Variants in FANCD2 observed in about 807,000 individuals in gnomAD.
FANCD2 encodes FA complementation group D2.
In FANCD2, 131 loss-of-function variants were observed where a neutral mutation model predicts 192.3. That is an observed-to-expected ratio of 0.68 (90% CI 0.59 to 0.79). FANCD2 has a LOEUF of 0.79. FANCD2 is among the 30% of genes least tolerant of loss of function. FANCD2 has a pLI of 0.00. For synonymous variants in FANCD2, 524 were observed against 612.5 expected (o/e 0.86, Z 2.13); for missense variants, 1,508 against 1,701.6 (o/e 0.89, Z 2.00).
intron 20 of FANCD2, among the ~76,000 whole-genome samples, chr3:10,062,480 G>T (rs2087598510): frequency 6.6e-6 from 1 of 152,090 alleles, no homozygotes; most frequent in South Asian, 2.1e-4. Flanking sequence ...GAACTCAAGT[G>T]ATCCACCTGC....
chr3:10,080,681 G>C (rs909969999), intron 30 of FANCD2, among the ~76,000 whole-genome samples: 2 of 152,140 alleles, frequency 1.3e-5, no homozygotes, highest in Non-Finnish European at 2.9e-5. Flanking sequence ...TGAGGTGAGA[G>C]GATCACTTGA....
chr3:10,060,466 C>A, intron 19 of FANCD2, 63 bp downstream of exon 19: 2 of 1,201,486 alleles, frequency 1.7e-6, no homozygotes, highest in Non-Finnish European at 2.5e-6. Context: ...CTAAGTGTTA[C>A]ATCTCATAGA....
intron 10 of FANCD2, 48 bp downstream of exon 10, chr3:10,041,758 C>T (rs189766023): frequency 1.1e-4 from 142 of 1,305,364 alleles, no homozygotes; most frequent in Non-Finnish European, 1.5e-4. Context: ...TTCCAACCTC[C>T]CAGAACAAGT....
intron 32 of FANCD2, 185 bp downstream of exon 32, chr3:10,081,649 T>C: frequency 4.6e-6 from 3 of 648,244 alleles, no homozygotes; most frequent in Non-Finnish European, 8.3e-6. Context: ...CTGAGTCCTT[T>C]GGAGCCACTA....
chr3:10,093,099 C>T (rs921419372), intron 38 of FANCD2, among the ~76,000 whole-genome samples, 186 bp from the exon 39 acceptor site: 2 of 152,146 alleles, frequency 1.3e-5, no homozygotes, highest in African/African-American at 4.8e-5. Flanking sequence ...CTCGTCTCTT[C>T]CTTTTCTTGA....
At position 10,039,848 on chromosome 3, in the gene FANCD2, G is replaced by T. The variant is rs753984486; in HGVS notation, c.695+3G>T. On this transcript the variant is annotated splice_donor_region_variant and intron_variant, in intron 9 of 43. Coordinates refer to ENST00000675286, the MANE Select transcript of FANCD2 (RefSeq NM_001018115.3). The stretch of plus-strand genomic sequence containing the variant: ...GCTGATGTGGGGAAAGAACTCAGGT[G>T]GATAAACCCTCTGTCATCATCTAAG... 18 of 1,613,836 alleles carry T rather than the reference G, an allele frequency of 1.1e-5. No individual in the cohort carries two copies. Among genetic ancestry groups the T allele is most frequent in the Non-Finnish European group, 1.5e-5 (18 of 1,180,016 alleles).
intron 23 of FANCD2, 62 bp from the exon 24 acceptor site, chr3:10,065,332 C>A: frequency 9.4e-7 from 1 of 1,068,608 alleles, no homozygotes; most frequent in South Asian, 1.2e-5. Flanking sequence ...GTAATATCTC[C>A]CTATGTACGT....
chr3:10,083,413 T>C (rs972932964), intron 32 of FANCD2: 12 of 152,122 alleles, frequency 7.9e-5, no homozygotes, highest in African/African-American at 2.7e-4. Flanking sequence ...TCAAAAAGAC[T>C]TAGCATGCCA....
At position 10,028,611 on chromosome 3, in the gene FANCD2, C is replaced by T. The variant is rs754592042; in HGVS notation, c.-33-14C>T. 2.4e-5 allele frequency: 37 copies of T among 1,544,558 alleles called. No homozygotes were observed. The highest frequency in any genetic ancestry group is 2.7e-5 in the African/African-American group (2 of 73,436). On this transcript the variant is annotated splice_polypyrimidine_tract_variant and intron_variant, in intron 1 of 43. Transcript: ENST00000675286. Reference sequence around the variant, plus strand: ...CTTCTAGAGGGTAACTTCTGTTTCCCGATTTTGCTCTAGGAAGTAATTTAA... The same window carrying T: ...CTTCTAGAGGGTAACTTCTGTTTCCTGATTTTGCTCTAGGAAGTAATTTAA...
chr3:10,039,280 A>C lies in FANCD2; in HGVS notation c.493A>C (p.Lys165Gln). The change falls in exon 8 of 44, where the codon AAG (lysine) becomes CAG (glutamine). Residue 165 changes from lysine to glutamine, a missense_variant and splice_region_variant. Around this residue, in one of 5 missense-constraint regions of FANCD2, gnomAD observed 435 missense variants for 421.9 expected, o/e 1.03. Coordinates refer to ENST00000675286, the MANE Select transcript of FANCD2 (RefSeq NM_001018115.3). ...EKLPEYFFENKNSDEINIPRL... is the reference protein window; with the variant it reads ...EKLPEYFFENQNSDEINIPRL... ...TGTTTTCTCTTCCTAACATTTTAGC[A>C]AGAACAGTGATGAAATCAACATACC... 6.2e-7 allele frequency: 1 copy of C among 1,612,772 alleles called. No individual in the cohort carries two copies. Among genetic ancestry groups the C allele is most frequent in the Non-Finnish European group, 8.5e-7 (1 of 1,179,012 alleles).
chr3:10,089,721 G>T (rs1468670059), intron 36 of FANCD2, among the ~76,000 whole-genome samples: 2 of 152,164 alleles, frequency 1.3e-5, no homozygotes, highest in Non-Finnish European at 2.9e-5. Context: ...GCCTGCCTCG[G>T]CCTCTCAAAG....
In FANCD2 at chr3:10,073,335, G is replaced by C. The variant is rs759396763; in HGVS notation, c.2688G>C (p.Thr896=). ...SEEKNSECDP[T]PSHRGQLNKE... is the part of the protein sequence containing the mutation. Reference sequence around the variant, plus strand: ...AGAAAAATTCAGAATGTGACCCTACGCCATCTCATAGAGGCCAGCTAAACA... The same window carrying C: ...AGAAAAATTCAGAATGTGACCCTACCCCATCTCATAGAGGCCAGCTAAACA... Residue 896 remains threonine (T), a synonymous_variant, in exon 28 of 44, where the codon ACG becomes ACC. Transcript: ENST00000675286. 2.5e-5 allele frequency: 41 copies of C among 1,613,026 alleles called. 1 individual carries two copies. The highest frequency in any genetic ancestry group is 3.4e-5 in the Non-Finnish European group (40 of 1,179,176).
chr3:10,096,198 G>A, intron 41 of FANCD2, 128 bp from the exon 42 acceptor site: 1 of 933,340 alleles, frequency 1.1e-6, no homozygotes. Context: ...ATTCCTGTTT[G>A]ATGGAACATA....
chr3:10,061,304 A>G (rs1371142591), intron 19 of FANCD2, among the ~76,000 whole-genome samples: 1 of 152,136 alleles, frequency 6.6e-6, no homozygotes, highest in Non-Finnish European at 1.5e-5. Flanking sequence ...TTCTTTACCT[A>G]CAACTGTCTT....
At chr3:10,070,521 TGTCCGGC>T (rs1693166272) in intron 26 of FANCD2, among the ~76,000 whole-genome samples, 3 of 62,188 alleles carry the variant, frequency 4.8e-5, no homozygotes, top group Admixed American at 1.5e-4. Context: ...GTCAGCCCCC[TGTCCGGC>T]CAGCCGCCCC....
intron 37 of FANCD2, 118 bp downstream of exon 37, chr3:10,090,503 A>T: frequency 1.6e-6 from 1 of 644,786 alleles, no homozygotes; most frequent in Non-Finnish European, 2.6e-6. Flanking sequence ...TCTGTTGCCC[A>T]GACTGGAGTG....
intron 9 of FANCD2, 149 bp from the exon 10 acceptor site, chr3:10,041,474 T>A: frequency 1.6e-6 from 1 of 616,636 alleles, no homozygotes; most frequent in Non-Finnish European, 2.9e-6. Context: ...TCAAAACAAT[T>A]TTTAAAGAAA....
At chr3:10,044,320 C>T (rs1473632792) in intron 14 of FANCD2, among the ~76,000 whole-genome samples, 1 of 151,958 alleles carries the variant, frequency 6.6e-6, no homozygotes, top group Non-Finnish European at 1.5e-5. Flanking sequence ...ACTGTCAAGG[C>T]AGTGGTACTG....
Position 10,072,974 on chromosome 3 carries a change from A to G in FANCD2, c.2598A>G (p.Gly866=). The G allele has an allele frequency of 6.5e-7, 1 of 1,528,680 alleles. No homozygotes were observed. Among genetic ancestry groups the G allele is most frequent in the Non-Finnish European group, 9.1e-7 (1 of 1,102,146 alleles). 94.7% of individuals were successfully genotyped at this position (1,528,680 alleles called of 1,614,324 possible). The part of the protein sequence containing the change: ...TAISAKIRKK[G]KIERKQKTDG... ...TTTCAGCAAAAATCAGAAAGAAAGG[A>G]AAAATAGGTAAGTATGTTCTTTTCC... The change falls in exon 27 of 44, where the codon GGA becomes GGG. Residue 866 remains glycine (G), a synonymous_variant. Transcript: ENST00000675286.
Sources: gnomAD v4.1 joint callset for allele counts (sites outside exome capture counted in the v4.1 genomes callset) on GRCh38, gnomAD v4.1.1 for gene constraint, gnomAD v4.1.1 regional missense constraint, MANE v1.5 for transcripts, NCBI Gene and HGNC (gene_info 2026-07-23, HGNC 2026-07-21) for gene names.